CADM2: variants seen among roughly 807,000 people sequenced by gnomAD.
CADM2 encodes cell adhesion molecule 2.
Under a neutral mutation model 49.8 loss-of-function variants are expected in CADM2, and 12 were observed. The observed-to-expected ratio is 0.24, with a 90% CI of 0.15 to 0.39. The LOEUF is 0.39. Among genes scored for constraint, CADM2 ranks in the 10% least tolerant of loss-of-function variants. CADM2 has a pLI of 1.00. For synonymous variants in CADM2, 214 were observed against 175.4 expected, an observed-to-expected ratio of 1.22 and a Z score of -1.74; for missense variants, 378 against 492.3, an observed-to-expected ratio of 0.77 and a Z score of 2.20.
chr3:85,253,491 T>C (rs1316543149), intron 1 of CADM2, among the ~76,000 whole-genome samples: 2 of 152,046 alleles, frequency 1.3e-5, no homozygotes, highest in Non-Finnish European at 2.9e-5. Context: ...GCAGCAAAGA[T>C]CTATTTGTAG....
chr3:85,993,737 C>T (rs1456717186), intron 8 of CADM2: 1 of 151,870 alleles, frequency 6.6e-6, no homozygotes, highest in African/African-American at 2.4e-5. Flanking sequence ...CTTTAGAGCT[C>T]TTGGGTAACT....
intron 1 of CADM2, among the ~76,000 whole-genome samples, chr3:85,577,840 A>G (rs1347453473): frequency 6.6e-6 from 1 of 152,118 alleles, no homozygotes; most frequent in Non-Finnish European, 1.5e-5. Flanking sequence ...GTAACATCAG[A>G]CAAATGGAGA....
chr3:85,377,168 C>T (rs2033640830), intron 1 of CADM2, among the ~76,000 whole-genome samples: 1 of 151,952 alleles, frequency 6.6e-6, no homozygotes, highest in Admixed American at 6.6e-5. Context: ...TTTATGCGAC[C>T]TTCTTTTGTT....
intron 8 of CADM2, among the ~76,000 whole-genome samples, chr3:86,053,857 T>C (rs1421806227): frequency 6.6e-6 from 1 of 152,132 alleles, no homozygotes; most frequent in Non-Finnish European, 1.5e-5. Flanking sequence ...AATAATGCTT[T>C]TAATAAATAT....
At chr3:85,406,315 A>G (rs2035374465) in intron 1 of CADM2, among the ~76,000 whole-genome samples, 1 of 152,172 alleles carries the variant, frequency 6.6e-6, no homozygotes, top group African/African-American at 2.4e-5. Flanking sequence ...TGAAACTTTC[A>G]CTGAGAAGAT....
chr3:85,637,117 T>C (rs1004979392), intron 1 of CADM2, among the ~76,000 whole-genome samples: 1 of 152,208 alleles, frequency 6.6e-6, no homozygotes, highest in African/African-American at 2.4e-5. Context: ...AAATCATGTA[T>C]ATTCTTTTTT....
chr3:85,926,149 TAAATAAATAAA>T (rs1719826960), intron 6 of CADM2, among the ~76,000 whole-genome samples: 1 of 88,468 alleles, frequency 1.1e-5, no homozygotes, highest in Non-Finnish European at 2.1e-5. Context: ...AATAAATAAA[TAAATAAATAAA>T]TAAATAAATA....
At chr3:85,553,653 C>T (rs1049361794) in intron 1 of CADM2, among the ~76,000 whole-genome samples, 123 of 152,168 alleles carry the variant, frequency 8.1e-4, no homozygotes, top group Admixed American at 8.0e-3. Flanking sequence ...TTGAAAATAT[C>T]TCCCGTTCAG....
At chr3:85,504,958 C>G (rs896176535) in intron 1 of CADM2, among the ~76,000 whole-genome samples, 6 of 152,116 alleles carry the variant, frequency 3.9e-5, no homozygotes, top group Admixed American at 3.9e-4. Flanking sequence ...CAGGGCCGGC[C>G]GGCTGCTTCG....
At chr3:85,973,475 T>C (rs1165484075) in intron 8 of CADM2, among the ~76,000 whole-genome samples, 1 of 151,734 alleles carries the variant, frequency 6.6e-6, no homozygotes, top group African/African-American at 2.4e-5. Context: ...ATTCTCTCTA[T>C]TATCTTATTC....
In CADM2 at chr3:85,913,866, G is replaced by A. The variant is rs191970559; in HGVS notation, c.700+1323G>A. On this transcript the variant is annotated intron_variant, in intron 6 of 9. Transcript: ENST00000383699. The stretch of plus-strand genomic sequence containing the variant: ...AAGGAAAGTGAGTATGTGTGTTGGT[G>A]TAATGCAGAGGGAAGGGCAAGTACA... Among the ~76,000 whole-genome samples, 465 of 152,232 alleles carry A rather than the reference G, an allele frequency of 3.1e-3. 1 individual carries two copies. Among genetic ancestry groups the A allele is most frequent in the Admixed American group, 4.6e-3 (70 of 15,292 alleles).
chr3:85,354,468 CATTG>C (rs572743693), intron 1 of CADM2, among the ~76,000 whole-genome samples: 33 of 151,494 alleles, frequency 2.2e-4, no homozygotes, highest in Admixed American at 5.3e-4. Flanking sequence ...CAAACCTGCA[CATTG>C]TGCACATGTA....
intron 1 of CADM2, among the ~76,000 whole-genome samples, chr3:85,182,687 G>A (rs2040965449): frequency 6.6e-6 from 1 of 151,992 alleles, no homozygotes; most frequent in Non-Finnish European, 1.5e-5. Flanking sequence ...ATAGTTTATA[G>A]AACCCTATAT....
chr3:85,010,851 CTTTTTTTTTTTTTTT>C (rs71105001), intron 1 of CADM2, among the ~76,000 whole-genome samples: 6 of 35,690 alleles, frequency 1.7e-4, no homozygotes, highest in African/African-American at 2.6e-4. Context: ...CTGTTTATGT[CTTTTTTTTTTTTTTT>C]TTTTTTTTTT....
intron 1 of CADM2, among the ~76,000 whole-genome samples, chr3:85,508,796 A>G (rs1270733488): frequency 6.6e-6 from 1 of 151,630 alleles, no homozygotes; most frequent in Non-Finnish European, 1.5e-5. Context: ...TTCTGAGTGA[A>G]AACGAAGAGC....
chr3:85,774,266 A>G (rs1010108010), intron 2 of CADM2, among the ~76,000 whole-genome samples: 4 of 151,858 alleles, frequency 2.6e-5, no homozygotes, highest in Non-Finnish European at 5.9e-5. Flanking sequence ...TGATTTCCAC[A>G]TGCATATCGG....
chr3:86,018,133 T>G (rs549965718), intron 8 of CADM2, among the ~76,000 whole-genome samples: 1,697 of 127,362 alleles, frequency 0.013, 13 homozygotes, highest in Non-Finnish European at 0.021. Context: ...CGGTGTTTGG[T>G]TTTTTGTTCT....
intron 1 of CADM2, among the ~76,000 whole-genome samples, chr3:85,433,423 T>C (rs1340494595): frequency 6.6e-6 from 1 of 152,064 alleles, no homozygotes; most frequent in Admixed American, 6.6e-5. Flanking sequence ...TTTCCCCTTG[T>C]AGTTGGAGAA....
At chr3:85,124,222 A>T (rs1013784383) in intron 1 of CADM2, among the ~76,000 whole-genome samples, 13 of 152,188 alleles carry the variant, frequency 8.5e-5, no homozygotes, top group African/African-American at 2.9e-4. Flanking sequence ...ATCTATTGTA[A>T]AATTGTCAAT....
Sources: gnomAD v4.1 joint callset for allele counts (sites outside exome capture counted in the v4.1 genomes callset) on GRCh38, gnomAD v4.1.1 for gene constraint, MANE v1.5 for transcripts, NCBI Gene and HGNC (gene_info 2026-07-23, HGNC 2026-07-21) for gene names.